TTLL5: variants seen among roughly 807,000 people sequenced by gnomAD.
TTLL5 encodes the protein tubulin polyglutamylase TTLL5.
In TTLL5, 132 loss-of-function variants were observed where a neutral mutation model predicts 168.4. The ratio of observed to expected loss-of-function variants is 0.78; its 90% CI spans 0.68 to 0.91. TTLL5 has a LOEUF of 0.91. TTLL5 is among the 40% of genes least tolerant of loss of function. The pLI is 0.00. For synonymous variants in TTLL5, 546 were observed against 558.6 expected, an observed-to-expected ratio of 0.98 and a Z score of 0.32; for missense variants, 1,545 against 1,581.5, an observed-to-expected ratio of 0.98 and a Z score of 0.39.
intron 31 of TTLL5, among the ~76,000 whole-genome samples, chr14:75,910,510 T>C (rs1257516491): frequency 6.6e-6 from 1 of 152,252 alleles, no homozygotes; most frequent in Non-Finnish European, 1.5e-5. Context: ...TTATCCATCC[T>C]GTGAACCCAC....
At chr14:75,878,655 G>C (rs530002247) in intron 29 of TTLL5, among the ~76,000 whole-genome samples, 49 of 152,324 alleles carry the variant, frequency 3.2e-4, no homozygotes, top group African/African-American at 1.1e-3. Context: ...GTAATATTAA[G>C]AAGAAAGGGA....
rs149311065 is a variant in TTLL5 at position 75,673,545 on chromosome 14, G to A, written c.181+4023G>A. Reference sequence around the variant, plus strand: ...GCAAGTGACTTAGACTCTTTTAACCGGTTTCATTATTAGTAAAATCTTAAC... The same window carrying A: ...GCAAGTGACTTAGACTCTTTTAACCAGTTTCATTATTAGTAAAATCTTAAC... On this transcript the variant is annotated intron_variant, in intron 3 of 31. Coordinates refer to ENST00000298832, the MANE Select transcript of TTLL5 (RefSeq NM_015072.5). 3.8e-3 allele frequency among the ~76,000 whole-genome samples: 584 copies of A among 152,182 alleles called. 2 individuals are homozygous for A. Among genetic ancestry groups the A allele is most frequent in the Non-Finnish European group, 4.5e-3 (303 of 68,006 alleles).
chr14:75,774,315 T>C (rs1043999996), intron 21 of TTLL5, among the ~76,000 whole-genome samples: 12 of 152,306 alleles, frequency 7.9e-5, no homozygotes, highest in Admixed American at 2.6e-4. Context: ...CTGTGAGATG[T>C]ATTCTTTCTT....
At chr14:75,687,669 A>C (rs1885170593) in intron 5 of TTLL5, among the ~76,000 whole-genome samples, 1 of 152,238 alleles carries the variant, frequency 6.6e-6, no homozygotes, top group Non-Finnish European at 1.5e-5. Flanking sequence ...AAATATTTGC[A>C]AAACACATAA....
chr14:75,940,825 G>A (rs921803184), intron 31 of TTLL5, among the ~76,000 whole-genome samples: 6 of 152,126 alleles, frequency 3.9e-5, no homozygotes, highest in African/African-American at 1.4e-4. Flanking sequence ...CCAGAATAGG[G>A]GGAACATGGT....
chr14:75,892,221 C>G (rs370913681), intron 30 of TTLL5, among the ~76,000 whole-genome samples: 8 of 152,220 alleles, frequency 5.3e-5, no homozygotes, highest in African/African-American at 9.7e-5. Flanking sequence ...CCATTTCCCC[C>G]CTGTGCTGCA....
At chr14:75,704,092 T>C (rs1265723679) in intron 7 of TTLL5, among the ~76,000 whole-genome samples, 1 of 152,184 alleles carries the variant, frequency 6.6e-6, no homozygotes, top group East Asian at 1.9e-4. Flanking sequence ...ATGAACCCTA[T>C]GAGGTAGTTA....
intron 20 of TTLL5, among the ~76,000 whole-genome samples, chr14:75,770,555 G>A (rs72723702): frequency 1.3e-5 from 2 of 152,298 alleles, no homozygotes; most frequent in Non-Finnish European, 2.9e-5. Context: ...AGTATCAGAA[G>A]GCCGATCAGC....
At chr14:75,735,349 T>C (rs1379094278) in intron 15 of TTLL5, 60 bp downstream of exon 15, 1 of 1,538,980 alleles carries the variant, frequency 6.5e-7, no homozygotes, top group East Asian at 2.2e-5. Context: ...GCGGCTGATG[T>C]AACTGTGGGA....
intron 3 of TTLL5, among the ~76,000 whole-genome samples, chr14:75,672,527 GC>G: frequency 6.6e-6 from 1 of 152,072 alleles, no homozygotes. Flanking sequence ...ATAGGCATGA[GC>G]CACCACGCCC....
At chr14:75,771,977 GAA>G in intron 21 of TTLL5, 123 bp downstream of exon 21, 1 of 1,143,800 alleles carries the variant, frequency 8.7e-7, no homozygotes. Flanking sequence ...TATTATGTAA[GAA>G]GGTTTTTAGA....
intron 6 of TTLL5, among the ~76,000 whole-genome samples, chr14:75,693,036 G>T (rs745843285): frequency 3.3e-5 from 5 of 152,142 alleles, no homozygotes; most frequent in Non-Finnish European, 7.4e-5. Flanking sequence ...AAGGGAATGA[G>T]GTCTCAGAGG....
At chr14:75,714,754 T>G (rs1453695714) in intron 9 of TTLL5, among the ~76,000 whole-genome samples, 1 of 152,214 alleles carries the variant, frequency 6.6e-6, no homozygotes, top group Non-Finnish European at 1.5e-5. Context: ...ATTCTATCCC[T>G]GGAATCAACC....
intron 3 of TTLL5, among the ~76,000 whole-genome samples, chr14:75,672,502 C>T (rs569556310): frequency 6.6e-6 from 1 of 152,192 alleles, no homozygotes; most frequent in South Asian, 2.1e-4. Context: ...CTCGGCCTCC[C>T]AAAGTGCTGG....
Position 75,709,553 on chromosome 14 carries a change from A to G in TTLL5, c.740+1846A>G, listed in dbSNP as rs530274233. The G allele has an allele frequency of 8.5e-5, 21 of 246,964 alleles. No homozygotes were observed. The East Asian group carries it at 1.3e-3, about 15-fold the overall frequency. The allele number at this position is 246,964 out of a possible 1,614,324, so 15.3% of individuals were successfully genotyped here. On this transcript the variant is annotated intron_variant, in intron 9 of 31. Coordinates refer to ENST00000298832, the MANE Select transcript of TTLL5 (RefSeq NM_015072.5). ...GGAAGAACTGAAACATCTCGCAGTT[A>G]TTAGATAAAGGGCTGGACCAGGCAT...
intron 31 of TTLL5, among the ~76,000 whole-genome samples, chr14:75,909,947 T>C (rs934342718): frequency 5.3e-5 from 8 of 152,162 alleles, no homozygotes; most frequent in Non-Finnish European, 1.2e-4. Flanking sequence ...AAAACCCAAG[T>C]ATAGCTGAAC....
intron 12 of TTLL5, among the ~76,000 whole-genome samples, chr14:75,730,829 C>T (rs988918326): frequency 2.2e-4 from 33 of 152,080 alleles, no homozygotes; most frequent in African/African-American, 6.0e-4. Flanking sequence ...AAGCGATTCT[C>T]CTGCCTCAGC....
At chr14:75,942,182 CA>C (rs36054096) in intron 31 of TTLL5, among the ~76,000 whole-genome samples, 110,120 of 140,116 alleles carry the variant, frequency 0.79, 42,682 homozygotes, top group African/African-American at 0.83. Flanking sequence ...GACTCTGTCT[CA>C]AAAAAAAAAA....
intron 3 of TTLL5, 96 bp downstream of exon 3, chr14:75,669,618 C>A: frequency 1.1e-6 from 1 of 946,760 alleles, no homozygotes; most frequent in Non-Finnish European, 1.5e-6. Flanking sequence ...GGGAAAGGGC[C>A]TTGGCCATGA....
Sources: gnomAD v4.1 joint callset for allele counts (sites outside exome capture counted in the v4.1 genomes callset) on GRCh38, gnomAD v4.1.1 for gene constraint, MANE v1.5 for transcripts, NCBI Gene and HGNC (gene_info 2026-07-23, HGNC 2026-07-21) for gene names.